MOGAT1: variants seen among roughly 807,000 people sequenced by gnomAD.
The protein encoded by MOGAT1 is 2-acylglycerol O-acyltransferase 1.
A neutral mutation model predicts 31.4 loss-of-function variants in MOGAT1; 32 were observed. The observed-to-expected ratio is 1.02, with a 90% CI of 0.77 to 1.37. The LOEUF (loss-of-function observed/expected upper bound fraction) is 1.37, where lower values mean the gene tolerates loss of function less well. Ranked by LOEUF, MOGAT1 falls within the 40% of genes most tolerant of loss-of-function variation. The pLI, the probability that MOGAT1 is intolerant of heterozygous loss-of-function variation, is 0.00. For missense variants in MOGAT1, 426 were observed against 402.0 expected (o/e 1.06, Z -0.51); for synonymous variants, 145 against 144.5 (o/e 1.00, Z -0.03).
In MOGAT1 at chr2:222,692,564, G is replaced by A. The variant is rs1441710538; in HGVS notation, c.479-1798G>A. 5.3e-5 allele frequency among the ~76,000 whole-genome samples: 8 copies of A among 152,302 alleles called. No homozygotes were observed. In the East Asian group the frequency reaches 1.4e-3, roughly 26 times the overall value. On this transcript the variant is annotated intron_variant, in intron 3 of 5. Transcript: ENST00000446656. ...AATTTAATGCATTCGGTTTGGAGAC[G>A]TGTAGTTTGAGGTGTCTTAGAGCTG...
At chr2:222,689,179 A>G in intron 2 of MOGAT1, 86 bp from the exon 3 acceptor site, 1 of 1,174,400 alleles carries the variant, frequency 8.5e-7, no homozygotes, top group Non-Finnish European at 1.2e-6. Context: ...TTTTCTCTTG[A>G]CATAAAAACT....
At chr2:222,694,658 A>G in intron 4 of MOGAT1, 122 bp downstream of exon 4, 1 of 935,956 alleles carries the variant, frequency 1.1e-6, no homozygotes, top group Non-Finnish European at 1.6e-6. Flanking sequence ...CTGACAGTAA[A>G]AGCAGGTGTG....
At chr2:222,689,172 T>C (rs1692721910) in intron 2 of MOGAT1, 93 bp from the exon 3 acceptor site, 2 of 1,122,444 alleles carry the variant, frequency 1.8e-6, no homozygotes, top group East Asian at 2.6e-5. Flanking sequence ...TTCTCCATTT[T>C]CTCTTGACAT....
At chr2:222,683,559 C>G (rs1294970047) in intron 1 of MOGAT1, among the ~76,000 whole-genome samples, 1 of 152,004 alleles carries the variant, frequency 6.6e-6, no homozygotes, top group African/African-American at 2.4e-5. Context: ...GAAACCCCGC[C>G]TCTACTAAAA....
chr2:222,697,461 G>T (rs2106041218), intron 5 of MOGAT1, among the ~76,000 whole-genome samples: 1 of 151,952 alleles, frequency 6.6e-6, no homozygotes, highest in Middle Eastern at 3.4e-3. Context: ...GACTTTTCTG[G>T]TTTTCAATCT....
chr2:222,684,542 A>G (rs980935415), intron 1 of MOGAT1, among the ~76,000 whole-genome samples: 9 of 152,202 alleles, frequency 5.9e-5, no homozygotes, highest in Non-Finnish European at 1.5e-5. Flanking sequence ...AAAGTGTATC[A>G]GCTGACAAAG....
intron 5 of MOGAT1, among the ~76,000 whole-genome samples, chr2:222,701,592 A>AGGAAAAAG (rs1692929599): frequency 1.5e-5 from 1 of 65,766 alleles, no homozygotes; most frequent in Non-Finnish European, 3.6e-5. Context: ...AAAAGAAAGA[A>AGGAAAAAG]AGAAAGGGAG....
rs368334214 is a variant in MOGAT1 at position 222,688,522 on chromosome 2, T to A, written c.273T>A (p.His91Gln). 5 of 1,603,868 alleles carry A rather than the reference T, an allele frequency of 3.1e-6. No homozygotes were observed. Among genetic ancestry groups the A allele is most frequent in the Non-Finnish European group, 8.5e-7 (1 of 1,174,578 alleles). Residue 91 changes from histidine to glutamine, a missense_variant and splice_region_variant, in exon 2 of 6, where the codon CAT (histidine) becomes CAA (glutamine). Physicochemically the swap from His to Gln is conservative, Grantham distance 24. Coordinates refer to ENST00000446656, the MANE Select transcript of MOGAT1 (RefSeq NM_058165.3). ...WKHFKDYFPI[H>Q]LIKTQDLDPS... ...ACTTTAAGGACTATTTTCCAATTCATGTGAGTACAGTTGTTTTATAAAGTA... is the reference window on the plus strand; with the variant it reads ...ACTTTAAGGACTATTTTCCAATTCAAGTGAGTACAGTTGTTTTATAAAGTA...
chr2:222,694,300 G>T, intron 3 of MOGAT1, 62 bp from the exon 4 acceptor site: 1 of 1,393,524 alleles, frequency 7.2e-7, no homozygotes, highest in Non-Finnish European at 9.7e-7. Context: ...GGAATATTAT[G>T]ATAAAACATT....
At chr2:222,684,542 A>T (rs980935415) in intron 1 of MOGAT1, among the ~76,000 whole-genome samples, 3 of 152,202 alleles carry the variant, frequency 2.0e-5, no homozygotes, top group Admixed American at 1.3e-4. Flanking sequence ...AAAGTGTATC[A>T]GCTGACAAAG....
At chr2:222,689,882 T>A (rs1185937748) in intron 3 of MOGAT1, among the ~76,000 whole-genome samples, 1 of 152,252 alleles carries the variant, frequency 6.6e-6, no homozygotes, top group Middle Eastern at 3.2e-3. Context: ...TCTTTCATTG[T>A]GTCTTGAAGT....
At chr2:222,682,023 C>T (rs1692587690) in intron 1 of MOGAT1, among the ~76,000 whole-genome samples, 1 of 152,144 alleles carries the variant, frequency 6.6e-6, no homozygotes, top group Non-Finnish European at 1.5e-5. Flanking sequence ...ACTGCTCTTA[C>T]CATAATAAAA....
intron 1 of MOGAT1, chr2:222,678,097 C>T (rs1316666866): frequency 4.8e-6 from 1 of 207,324 alleles, no homozygotes; most frequent in Non-Finnish European, 9.9e-6. Context: ...TCTAAAATAT[C>T]TAGCCAGCCT....
chr2:222,685,018 A>C (rs1559229559), intron 1 of MOGAT1, among the ~76,000 whole-genome samples: 4 of 152,258 alleles, frequency 2.6e-5, no homozygotes. Context: ...AATCAATAGA[A>C]TATTGATCAG....
chr2:222,695,292 T>C lies in MOGAT1; in HGVS notation c.853+4T>C, dbSNP rs1264861886. 2 of 1,590,386 alleles carry C rather than the reference T, an allele frequency of 1.3e-6. No homozygotes were observed. On this transcript the variant is annotated splice_donor_region_variant and intron_variant, in intron 5 of 5. Coordinates refer to ENST00000446656, the MANE Select transcript of MOGAT1 (RefSeq NM_058165.3). ...AGGAAAGCCATCCACACTGTTGGTA[T>C]GTACATAAAATAACTACAACTATTA...
At chr2:222,696,304 A>T (rs1440815507) in intron 5 of MOGAT1, among the ~76,000 whole-genome samples, 1 of 152,246 alleles carries the variant, frequency 6.6e-6, no homozygotes, top group African/African-American at 2.4e-5. Context: ...TGCTAGATCA[A>T]ATGGTAGTTC....
At chr2:222,686,835 A>G (rs1692676189) in intron 1 of MOGAT1, among the ~76,000 whole-genome samples, 1 of 152,168 alleles carries the variant, frequency 6.6e-6, no homozygotes, top group Non-Finnish European at 1.5e-5. Context: ...TAAATAGTCC[A>G]GGTGCTGTGG....
At chr2:222,690,939 GA>G (rs774232433) in intron 3 of MOGAT1, among the ~76,000 whole-genome samples, 3 of 152,226 alleles carry the variant, frequency 2.0e-5, no homozygotes, top group Non-Finnish European at 4.4e-5. Context: ...CAAAAGCACA[GA>G]AACATATTTA....
At chr2:222,691,357 A>G (rs2106038368) in intron 3 of MOGAT1, among the ~76,000 whole-genome samples, 2 of 151,948 alleles carry the variant, frequency 1.3e-5, no homozygotes, top group Middle Eastern at 3.4e-3. Context: ...ACAGGCTTGC[A>G]CCACCATGCC....
Sources: gnomAD v4.1 joint callset for allele counts (sites outside exome capture counted in the v4.1 genomes callset) on GRCh38, gnomAD v4.1.1 for gene constraint, MANE v1.5 for transcripts, NCBI Gene and HGNC (gene_info 2026-07-23, HGNC 2026-07-21) for gene names.